HS6ST3: variants seen among roughly 807,000 people sequenced by gnomAD.
HS6ST3 encodes heparan sulfate 6-O-sulfotransferase 3, also known as heparan-sulfate 6-O-sulfotransferase 3.
A neutral mutation model predicts 36.7 loss-of-function variants in HS6ST3; 12 were observed. That is an observed-to-expected ratio of 0.33 (90% confidence interval 0.21 to 0.53). The LOEUF is 0.53. Ranked by LOEUF, HS6ST3 falls within the 20% of genes least tolerant of loss-of-function variation. The pLI is 0.95. For missense variants in HS6ST3, 584 were observed against 640.9 expected (o/e 0.91, Z 0.96); for synonymous variants, 240 against 257.5 (o/e 0.93, Z 0.65).
At chr13:96,327,139 C>G (rs2055036792) in intron 1 of HS6ST3, among the ~76,000 whole-genome samples, 1 of 149,376 alleles carries the variant, frequency 6.7e-6, no homozygotes, top group African/African-American at 2.5e-5. Context: ...TGCCTGTTCA[C>G]TCTGATGGTA....
chr13:96,326,316 A>G (rs2055031167), intron 1 of HS6ST3, among the ~76,000 whole-genome samples: 1 of 132,750 alleles, frequency 7.5e-6, no homozygotes, highest in Non-Finnish European at 1.6e-5. Context: ...TCCTAATGCT[A>G]TCCCTCCCCC....
chr13:96,769,734 C>CTG (rs66777701), intron 1 of HS6ST3, among the ~76,000 whole-genome samples: 6,605 of 140,186 alleles, frequency 0.047, 184 homozygotes, highest in African/African-American at 0.057. Context: ...ATTCCTAGCT[C>CTG]TGTGTGTGTG....
intron 1 of HS6ST3, among the ~76,000 whole-genome samples, chr13:96,554,922 T>G (rs1483078035): frequency 1.3e-5 from 2 of 151,542 alleles, no homozygotes; most frequent in African/African-American, 4.8e-5. Context: ...CTACAAAACA[T>G]ACAAAAAATT....
chr13:96,307,715 A>G (rs1430408433), intron 1 of HS6ST3, among the ~76,000 whole-genome samples: 1 of 152,132 alleles, frequency 6.6e-6, no homozygotes, highest in Non-Finnish European at 1.5e-5. Flanking sequence ...TATTAAAATG[A>G]AATTTATCAC....
intron 1 of HS6ST3, among the ~76,000 whole-genome samples, chr13:96,423,175 T>C (rs1386562002): frequency 6.6e-6 from 1 of 152,116 alleles, no homozygotes; most frequent in Non-Finnish European, 1.5e-5. Context: ...AGAATGAGGG[T>C]CCCCTCTTCA....
chr13:96,420,687 A>G (rs916889984), intron 1 of HS6ST3, among the ~76,000 whole-genome samples: 1 of 152,226 alleles, frequency 6.6e-6, no homozygotes, highest in African/African-American at 2.4e-5. Context: ...GTGCATTGAT[A>G]TGATGAGCAG....
chr13:96,738,285 G>A (rs937445960), intron 1 of HS6ST3, among the ~76,000 whole-genome samples: 2 of 152,054 alleles, frequency 1.3e-5, no homozygotes, highest in Admixed American at 6.6e-5. Context: ...TTGCACTTTT[G>A]GGAATTTCTC....
chr13:96,732,465 G>A (rs983239005), intron 1 of HS6ST3, among the ~76,000 whole-genome samples: 9 of 151,588 alleles, frequency 5.9e-5, no homozygotes, highest in African/African-American at 1.9e-4. Context: ...TGCCTTTGTC[G>A]AAAACAGTTT....
intron 1 of HS6ST3, among the ~76,000 whole-genome samples, chr13:96,646,041 AAC>A (rs2056587437): frequency 6.6e-6 from 1 of 151,998 alleles, no homozygotes; most frequent in African/African-American, 2.4e-5. Context: ...ACAATTTCCT[AAC>A]AGATAAAACT....
At chr13:96,164,887 C>A (rs2054153546) in intron 1 of HS6ST3, among the ~76,000 whole-genome samples, 1 of 151,828 alleles carries the variant, frequency 6.6e-6, no homozygotes, top group South Asian at 2.1e-4. Context: ...CCAGGACTAA[C>A]AAAGTTTAAA....
chr13:96,662,439 T>C (rs2056649396), intron 1 of HS6ST3, among the ~76,000 whole-genome samples: 1 of 152,138 alleles, frequency 6.6e-6, no homozygotes, highest in African/African-American at 2.4e-5. Flanking sequence ...AGTGAATTTT[T>C]CCTTTCCAGA....
At chr13:96,217,591 A>G (rs1223747109) in intron 1 of HS6ST3, among the ~76,000 whole-genome samples, 3 of 152,132 alleles carry the variant, frequency 2.0e-5, no homozygotes, top group Non-Finnish European at 4.4e-5. Flanking sequence ...CCATCTCTCT[A>G]TCTTTAATTT....
At chr13:96,163,293 C>G (rs974033420) in intron 1 of HS6ST3, among the ~76,000 whole-genome samples, 5 of 137,994 alleles carry the variant, frequency 3.6e-5, no homozygotes, top group South Asian at 4.5e-4. Flanking sequence ...GCAGTGGTGC[C>G]ATCTCGGCTC....
chr13:96,411,310 C>T (rs1233724821), intron 1 of HS6ST3, among the ~76,000 whole-genome samples: 1 of 152,090 alleles, frequency 6.6e-6, no homozygotes, highest in African/African-American at 2.4e-5. Flanking sequence ...CAGGTGGCTG[C>T]AGAGGAGAGA....
At chr13:96,134,986 T>C (rs956863363) in intron 1 of HS6ST3, among the ~76,000 whole-genome samples, 1 of 152,212 alleles carries the variant, frequency 6.6e-6, no homozygotes, top group Non-Finnish European at 1.5e-5. Context: ...GACACAGTCA[T>C]TGGGACCTGC....
chr13:96,664,312 T>C (rs1226674625), intron 1 of HS6ST3, among the ~76,000 whole-genome samples: 1 of 152,180 alleles, frequency 6.6e-6, no homozygotes, highest in African/African-American at 2.4e-5. Context: ...AGTGAGTCAA[T>C]GTTTCAGTGT....
chr13:96,214,471 A>G (rs932811188), intron 1 of HS6ST3, among the ~76,000 whole-genome samples: 1 of 152,204 alleles, frequency 6.6e-6, no homozygotes, highest in Non-Finnish European at 1.5e-5. Context: ...TTTAAAATAA[A>G]AGCTTTGTTA....
intron 1 of HS6ST3, among the ~76,000 whole-genome samples, chr13:96,093,230 A>G (rs1176326166): frequency 1.3e-5 from 2 of 152,140 alleles, no homozygotes; most frequent in African/African-American, 2.4e-5. Context: ...GGCTGGCATT[A>G]TTTTTGTCCC....
chr13:96,182,583 A>G (rs188388320), intron 1 of HS6ST3, among the ~76,000 whole-genome samples: 281 of 152,342 alleles, frequency 1.8e-3, no homozygotes, highest in African/African-American at 6.3e-3. Context: ...TCTGCTGCAG[A>G]TTAAAAATAA....
Sources: allele counts gnomAD v4.1 joint callset (sites outside exome capture counted in the v4.1 genomes callset), GRCh38; gene constraint gnomAD v4.1.1; transcripts MANE v1.5; gene names NCBI Gene and HGNC (gene_info 2026-07-23, HGNC 2026-07-21).